Variants in KCNQ1 observed in about 807,000 individuals in gnomAD.
KCNQ1 encodes potassium voltage-gated channel subfamily KQT member 1.
A neutral mutation model predicts 72.4 loss-of-function variants in KCNQ1; 49 were observed. The observed-to-expected ratio is 0.68, with a 90% CI of 0.54 to 0.86. The LOEUF is 0.86. KCNQ1 is among the 40% of genes least tolerant of loss of function. The pLI is 0.00. For synonymous variants in KCNQ1, 450 were observed against 412.6 expected (o/e 1.09, Z -1.10); for missense variants, 790 against 945.1 (o/e 0.84, Z 2.15).
intron 11 of KCNQ1, among the ~76,000 whole-genome samples, chr11:2,765,392 G>A (rs1846478717): frequency 6.6e-6 from 1 of 152,128 alleles, no homozygotes; most frequent in African/African-American, 2.4e-5. Flanking sequence ...AAATTTGTTG[G>A]AACTTGCTTC....
intron 10 of KCNQ1, chr11:2,629,693 T>G: frequency 7.5e-6 from 3 of 398,530 alleles, no homozygotes; most frequent in Middle Eastern, 6.3e-4. Flanking sequence ...CTATTTTAAA[T>G]GAAATTGTTT....
rs765338251 is a variant in KCNQ1, at chr11:2,673,081, T to C, written c.1514+11000T>C. On this transcript the variant is annotated intron_variant, in intron 11 of 15. Coordinates refer to ENST00000155840, the MANE Select transcript of KCNQ1 (RefSeq NM_000218.3). This position sits in a 1 kb window ranked among gnomAD's most constrained non-coding sequence, Gnocchi z 4.5. The stretch of plus-strand genomic sequence containing the variant: ...GTGAAGTTGGCTTCTCAGGCCACAG[T>C]AGGCCTTCACGGTACTCAGCAGGAG... 2.5e-6 allele frequency: 1 copy of C among 398,858 alleles called. No individual in the cohort carries two copies. 24.7% of individuals were successfully genotyped at this position (398,858 alleles called of 1,614,324 possible). A position where few individuals can be genotyped will look rare whatever the true frequency, so the allele number is the denominator to read the frequency against.
rs184965300 is a variant in KCNQ1, at chr11:2,585,775, G to A, written c.1128+468G>A. On this transcript the variant is annotated intron_variant, in intron 8 of 15. Transcript: ENST00000155840. ...CTGGTGCCTGGAGGTGAGGACTGGC[G>A]ATGGATGGCATGGGCCTCCCTCTGG... Among the ~76,000 whole-genome samples, 50 of 152,338 alleles carry A rather than the reference G, an allele frequency of 3.3e-4. No individual in the cohort carries two copies. The East Asian group carries it at 8.5e-3, about 26-fold the overall frequency.
chr11:2,698,568 C>T lies in KCNQ1; in HGVS notation c.1514+36487C>T. ...CTTTACTTCGCCCCCTAATTCCTGA[C>T]TCAGAATCCCCACCTAGAGGCAGAA... On this transcript the variant is annotated intron_variant, in intron 11 of 15. Coordinates refer to ENST00000155840, the MANE Select transcript of KCNQ1 (RefSeq NM_000218.3). The surrounding 1 kb of genome is among the most constrained non-coding windows in gnomAD (Gnocchi z 5.1). The T allele has an allele frequency of 5.0e-6, 2 of 398,576 alleles. No homozygotes were observed. Among genetic ancestry groups the T allele is most frequent in the Non-Finnish European group, 8.8e-6 (2 of 226,060 alleles). The allele number at this position is 398,576 out of a possible 1,614,324, so 24.7% of individuals were successfully genotyped here.
intron 11 of KCNQ1, among the ~76,000 whole-genome samples, chr11:2,757,153 G>A (rs899789441): frequency 6.6e-6 from 1 of 151,964 alleles, no homozygotes; most frequent in Admixed American, 6.6e-5. Flanking sequence ...GATTAGAAAG[G>A]AGGATCTAAA....
chr11:2,736,120 G>T (rs1203818288), intron 11 of KCNQ1, among the ~76,000 whole-genome samples: 4 of 152,164 alleles, frequency 2.6e-5, no homozygotes, highest in Non-Finnish European at 4.4e-5. Context: ...GCCAGAGGGG[G>T]CTCATTGGGC....
intron 15 of KCNQ1, among the ~76,000 whole-genome samples, chr11:2,843,966 T>C (rs919117574): frequency 3.3e-5 from 5 of 152,166 alleles, no homozygotes; most frequent in African/African-American, 1.2e-4. Flanking sequence ...CAGCAGTTCT[T>C]GGGGAACCGG....
At position 2,768,802 on chromosome 11, in the gene KCNQ1, C is replaced by G. The variant is rs1325792129; in HGVS notation, c.1515-42C>G. On this transcript the variant is annotated intron_variant, in intron 11 of 15. Transcript: ENST00000155840. The surrounding 1 kb of genome is among the most constrained non-coding windows in gnomAD (Gnocchi z 6.7). ...AGGGGCAGTGAGGGGATGACCAGCA[C>G]AGGGTGGCCACTCACAATCTCCTCT... The G allele has an allele frequency of 6.6e-7, 1 of 1,504,832 alleles. No individual in the cohort carries two copies. The highest frequency in any genetic ancestry group is 1.1e-5 in the South Asian group (1 of 88,922). 93.2% of individuals were successfully genotyped at this position (1,504,832 alleles called of 1,614,324 possible).
Position 2,711,662 on chromosome 11 carries a change from A to G in KCNQ1, c.1514+49581A>G, listed in dbSNP as rs1390764867. Among the ~76,000 whole-genome samples, 1 of 152,216 alleles carries G rather than the reference A, an allele frequency of 6.6e-6. No homozygotes were observed. Among genetic ancestry groups the G allele is most frequent in the African/African-American group, 2.4e-5 (1 of 41,444 alleles). The stretch of plus-strand genomic sequence containing the variant: ...TGTGGGTACAATGGAGCTATTTCCC[A>G]GTCAGACCTCACAATCGGTAAACTG... On this transcript the variant is annotated intron_variant, in intron 11 of 15. Transcript: ENST00000155840. The surrounding 1 kb of genome is among the most constrained non-coding windows in gnomAD (Gnocchi z 5.4).
chr11:2,648,674 C>A, intron 10 of KCNQ1: 1 of 398,424 alleles, frequency 2.5e-6, no homozygotes, highest in Non-Finnish European at 4.4e-6. Flanking sequence ...TTTATTGAGA[C>A]CCGTTTTGTG....
At position 2,826,719 on chromosome 11, in the gene KCNQ1, C is replaced by T. The variant is rs1847849013; in HGVS notation, c.1795-21048C>T. Among the ~76,000 whole-genome samples the T allele has an allele frequency of 6.6e-6, 1 of 152,216 alleles. No homozygotes were observed. The highest frequency in any genetic ancestry group is 2.1e-4 in the South Asian group (1 of 4,826). On this transcript the variant is annotated intron_variant, in intron 15 of 15. Coordinates refer to ENST00000155840, the MANE Select transcript of KCNQ1 (RefSeq NM_000218.3). The surrounding 1 kb of genome is among the most constrained non-coding windows in gnomAD (Gnocchi z 4.2). ...GAGGCACGGGGCTCCCCTGGGCACC[C>T]CTCGTCTTGGGGCCCCTGCCCTGCC...
At chr11:2,801,715 G>A (rs540881776) in intron 15 of KCNQ1, among the ~76,000 whole-genome samples, 29 of 152,330 alleles carry the variant, frequency 1.9e-4, no homozygotes, top group East Asian at 1.3e-3. Context: ...CAAGTCCTCC[G>A]TCGGGCCACT....
At chr11:2,545,787 GTTAA>G (rs1223467548) in intron 2 of KCNQ1, among the ~76,000 whole-genome samples, 2 of 152,142 alleles carry the variant, frequency 1.3e-5, no homozygotes, top group African/African-American at 4.8e-5. Context: ...TCATCTGGGT[GTTAA>G]TTGTATTGGC....
At chr11:2,637,470 C>G (rs1849491887) in intron 10 of KCNQ1, 1 of 152,212 alleles carries the variant, frequency 6.6e-6, no homozygotes, top group Non-Finnish European at 1.5e-5. Context: ...GCAGGTGGTT[C>G]AGTTTCCATG....
chr11:2,636,357 C>T (rs1289660624), intron 10 of KCNQ1: 2 of 151,704 alleles, frequency 1.3e-5, no homozygotes, highest in Non-Finnish European at 3.0e-5. Flanking sequence ...GAGATACATC[C>T]CATCAATACC....
Position 2,651,001 on chromosome 11 carries a change from C to G in KCNQ1, c.1394-10960C>G. 1 of 398,706 alleles carries G rather than the reference C, an allele frequency of 2.5e-6. No individual in the cohort carries two copies. The highest frequency in any genetic ancestry group is 4.4e-6 in the Non-Finnish European group (1 of 226,120). The allele number at this position is 398,706 out of a possible 1,614,324, so 24.7% of individuals were successfully genotyped here. On this transcript the variant is annotated intron_variant, in intron 10 of 15. Transcript: ENST00000155840. The surrounding 1 kb of genome is among the most constrained non-coding windows in gnomAD (Gnocchi z 6.1). ...CTTATCAACTCTCTGGATTTGCCCA[C>G]ACCTAGTCTCTCCAGCTATCTCCCT...
rs1564855397 is a variant in KCNQ1 at position 2,678,196 on chromosome 11, T to C, written c.1514+16115T>C. On this transcript the variant is annotated intron_variant, in intron 11 of 15. Transcript: ENST00000155840. This position sits in a 1 kb window ranked among gnomAD's most constrained non-coding sequence, Gnocchi z 4.9. ...TTTCTGGTGGCAGAATTTTTTTAATTTCACATAGTCAGCTGTGTCAGTCTT... is the reference window on the plus strand; with the variant it reads ...TTTCTGGTGGCAGAATTTTTTTAATCTCACATAGTCAGCTGTGTCAGTCTT... The C allele has an allele frequency of 5.0e-6, 2 of 398,274 alleles. No individual in the cohort carries two copies. Among genetic ancestry groups the C allele is most frequent in the Non-Finnish European group, 8.9e-6 (2 of 225,958 alleles). The allele number at this position is 398,274 out of a possible 1,614,324, so 24.7% of individuals were successfully genotyped here.
In KCNQ1 at chr11:2,463,171, T is replaced by C. The variant is rs1846303816; in HGVS notation, c.386+17687T>C. The stretch of plus-strand genomic sequence containing the variant: ...TCAGAGTGGGGAACTGGACGCTCCG[T>C]CCCTGGCTCAGCCTCTCCCGGCTGT... On this transcript the variant is annotated intron_variant, in intron 1 of 15. Transcript: ENST00000155840. This position sits in a 1 kb window ranked among gnomAD's most constrained non-coding sequence, Gnocchi z 7.0. Among the ~76,000 whole-genome samples, 1 of 152,038 alleles carries C rather than the reference T, an allele frequency of 6.6e-6. No individual in the cohort carries two copies. The highest frequency in any genetic ancestry group is 6.6e-5 in the Admixed American group (1 of 15,256).
chr11:2,841,136 G>T (rs763722290), intron 15 of KCNQ1, among the ~76,000 whole-genome samples: 1 of 152,188 alleles, frequency 6.6e-6, no homozygotes, highest in Non-Finnish European at 1.5e-5. Context: ...GAGATGAGAC[G>T]AGGAGGCCGC....
Sources: gnomAD v4.1 joint callset for allele counts (sites outside exome capture counted in the v4.1 genomes callset) on GRCh38, gnomAD v4.1.1 for gene constraint, Gnocchi (gnomAD v3.1) non-coding constraint, MANE v1.5 for transcripts, NCBI Gene and HGNC (gene_info 2026-07-23, HGNC 2026-07-21) for gene names.